SV2C: variants seen among roughly 807,000 people sequenced by gnomAD.
The protein encoded by SV2C is solute carrier family 22 member B3.
SV2C carries 49 observed loss-of-function variants against 79.7 expected under a neutral mutation model. The observed-to-expected ratio is 0.61, with a 90% CI of 0.49 to 0.78. The LOEUF is 0.78. Ranked by LOEUF, SV2C falls within the 30% of genes least tolerant of loss-of-function variation. SV2C has a pLI of 0.00. For missense variants in SV2C, 833 were observed against 912.9 expected, an observed-to-expected ratio of 0.91 and a Z score of 1.13; for synonymous variants, 334 against 333.2, an observed-to-expected ratio of 1.00 and a Z score of -0.03.
At chr5:76,188,301 T>G (rs1014331888) in intron 2 of SV2C, among the ~76,000 whole-genome samples, 24 of 152,184 alleles carry the variant, frequency 1.6e-4, no homozygotes, top group Admixed American at 7.2e-4. Flanking sequence ...GACAACTGTG[T>G]GTTTTACACA....
the SV2C span, among the ~76,000 whole-genome samples, chr5:75,909,615 C>G: frequency 6.6e-6 from 1 of 152,176 alleles, no homozygotes; most frequent in Non-Finnish European, 1.5e-5. Context: ...AAAATTGTTT[C>G]TGATTTTCCA....
chr5:76,094,088 A>G (rs1747465430), intron 1 of SV2C, among the ~76,000 whole-genome samples: 1 of 152,196 alleles, frequency 6.6e-6, no homozygotes, highest in South Asian at 2.1e-4. Context: ...ATAAAGAAAC[A>G]AACAAGTAAA....
chr5:76,301,183 T>C (rs1011673613), intron 11 of SV2C, among the ~76,000 whole-genome samples: 1 of 152,196 alleles, frequency 6.6e-6, no homozygotes, highest in African/African-American at 2.4e-5. Flanking sequence ...GAGTAAAAGA[T>C]GATATGCATT....
At chr5:76,065,207 T>G in the SV2C span, among the ~76,000 whole-genome samples, 1 of 152,222 alleles carries the variant, frequency 6.6e-6, no homozygotes, top group Non-Finnish European at 1.5e-5. Flanking sequence ...TTGTGGTTTT[T>G]AAAATATAAT....
At chr5:75,874,671 C>A in the SV2C span, among the ~76,000 whole-genome samples, 2 of 151,874 alleles carry the variant, frequency 1.3e-5, no homozygotes, top group Non-Finnish European at 2.9e-5. Flanking sequence ...AGTCTCGGCC[C>A]AAAAAAGCTC....
intron 1 of SV2C, among the ~76,000 whole-genome samples, chr5:76,127,668 G>T (rs1197590485): frequency 6.6e-6 from 1 of 152,154 alleles, no homozygotes; most frequent in African/African-American, 2.4e-5. Flanking sequence ...GCCTTCCTCG[G>T]CCAGCACCTT....
the SV2C span, among the ~76,000 whole-genome samples, chr5:76,047,660 G>T: frequency 1.3e-5 from 2 of 152,024 alleles, no homozygotes; most frequent in South Asian, 4.2e-4. Flanking sequence ...ATGCTAGACA[G>T]TAAACTCCTT....
intron 1 of SV2C, among the ~76,000 whole-genome samples, chr5:76,129,900 C>T (rs1217895558): frequency 1.3e-5 from 2 of 151,984 alleles, no homozygotes; most frequent in African/African-American, 2.4e-5. Flanking sequence ...TGTGGTCATC[C>T]GTTCAATGGA....
At chr5:75,974,863 A>T in the SV2C span, among the ~76,000 whole-genome samples, 1 of 152,112 alleles carries the variant, frequency 6.6e-6, no homozygotes, top group East Asian at 1.9e-4. Flanking sequence ...CAACCCTCTG[A>T]GGTATATGCT....
chr5:76,053,028 C>T, the SV2C span, among the ~76,000 whole-genome samples: 2 of 151,490 alleles, frequency 1.3e-5, no homozygotes, highest in Non-Finnish European at 2.9e-5. Flanking sequence ...CAGGACTTCC[C>T]GCACATTCCA....
chr5:76,041,284 C>A, the SV2C span, among the ~76,000 whole-genome samples: 1 of 152,196 alleles, frequency 6.6e-6, no homozygotes, highest in Admixed American at 6.5e-5. Context: ...ACCTCAAATT[C>A]TGTGACTCAC....
the SV2C span, among the ~76,000 whole-genome samples, chr5:76,056,936 A>T: frequency 6.6e-6 from 1 of 151,718 alleles, no homozygotes; most frequent in Admixed American, 6.6e-5. Context: ...TTTGTTAATT[A>T]AAAAAACAGT....
At chr5:76,026,762 A>G in the SV2C span, among the ~76,000 whole-genome samples, 4 of 152,200 alleles carry the variant, frequency 2.6e-5, no homozygotes, top group African/African-American at 9.7e-5. Flanking sequence ...GAGAACAAAT[A>G]AAGATGATCC....
At chr5:76,103,584 C>T (rs2112123384) in intron 1 of SV2C, among the ~76,000 whole-genome samples, 1 of 152,286 alleles carries the variant, frequency 6.6e-6, no homozygotes, top group East Asian at 1.9e-4. Flanking sequence ...CATAGCTTCA[C>T]CAGACAGTTG....
At chr5:75,985,094 C>G in the SV2C span, among the ~76,000 whole-genome samples, 53 of 151,914 alleles carry the variant, frequency 3.5e-4, no homozygotes, top group East Asian at 9.5e-3. Context: ...TGGTGAGGGT[C>G]TCCGGCTGCT....
At chr5:76,126,128 C>T (rs1301034952) in intron 1 of SV2C, among the ~76,000 whole-genome samples, 1 of 152,108 alleles carries the variant, frequency 6.6e-6, no homozygotes, top group Non-Finnish European at 1.5e-5. Flanking sequence ...AGGAAAGTTA[C>T]ACTGTAATAG....
At chr5:76,009,984 CTATTT>C in the SV2C span, among the ~76,000 whole-genome samples, 12 of 125,512 alleles carry the variant, frequency 9.6e-5, no homozygotes, top group Non-Finnish European at 1.8e-4. Context: ...CTTTACTTAT[CTATTT>C]TGTTTTTTTT....
intron 2 of SV2C, among the ~76,000 whole-genome samples, chr5:76,166,384 G>A (rs1259364864): frequency 1.3e-5 from 2 of 152,130 alleles, no homozygotes; most frequent in East Asian, 1.9e-4. Flanking sequence ...CCCCTATTTG[G>A]TAGCTAAACA....
the SV2C span, among the ~76,000 whole-genome samples, chr5:75,848,407 A>G: frequency 1.3e-5 from 2 of 152,190 alleles, no homozygotes; most frequent in Non-Finnish European, 2.9e-5. Flanking sequence ...AGTGCTCCCA[A>G]AGGCTTCCTT....
Sources: allele counts gnomAD v4.1 joint callset (sites outside exome capture counted in the v4.1 genomes callset), GRCh38; gene constraint gnomAD v4.1.1; transcripts MANE v1.5; gene names NCBI Gene and HGNC (gene_info 2026-07-23, HGNC 2026-07-21).